The following PNLIP variants were observed in gnomAD, a reference collection of about 807,000 sequenced individuals.
PNLIP encodes pancreatic triacylglycerol lipase.
A neutral mutation model predicts 57.1 loss-of-function variants in PNLIP; 49 were observed. The observed-to-expected ratio is 0.86, with a 90% CI of 0.68 to 1.09. The LOEUF is 1.09. Among genes scored for constraint, PNLIP ranks in the 50% least tolerant of loss-of-function variants. The probability of loss-of-function intolerance (pLI) is 0.00; values close to 1 mark genes in which losing one functional copy is unlikely to be tolerated. For synonymous variants in PNLIP, 209 were observed against 200.4 expected (o/e 1.04, Z -0.36); for missense variants, 503 against 570.2 (o/e 0.88, Z 1.20).
Position 116,547,398 on chromosome 10 carries a change from G to A in PNLIP, c.151G>A (p.Val51Ile). 6.2e-7 allele frequency: 1 copy of A among 1,614,072 alleles called. No homozygotes were observed. The highest frequency in any genetic ancestry group is 1.3e-5 in the African/African-American group (1 of 75,028). The stretch of plus-strand genomic sequence containing the variant: ...TATATTGCCTTGGTCTCCAAAAGAT[G>A]TCAACACCCGCTTCCTCCTATATAC... ...LHILPWSPKD[V>I]NTRFLLYTNE... Residue 51 changes from valine to isoleucine, a missense_variant, in exon 3 of 13, where the codon GTC becomes ATC. Val to Ile is a conservative substitution (Grantham distance 29). Transcript: ENST00000369221.
rs772314428 is a variant in PNLIP at position 116,546,139 on chromosome 10, G to C, written c.46+1G>C. The C allele has an allele frequency of 6.2e-7, 1 of 1,612,656 alleles. No individual in the cohort carries two copies. The highest frequency in any genetic ancestry group is 1.1e-5 in the South Asian group (1 of 91,058). ...TCACTGCTGCTGGGAGCAGTAGCAG[G>C]TAAGAAAACAAATAAATGTTGAGCT... On this transcript the variant is annotated splice_donor_variant, in intron 2 of 12. Coordinates refer to ENST00000369221, the MANE Select transcript of PNLIP (RefSeq NM_000936.4). LOFTEE classifies it high-confidence loss of function.
intron 4 of PNLIP, 119 bp downstream of exon 4, chr10:116,548,601 C>T (rs1414798234): frequency 1.6e-5 from 18 of 1,108,260 alleles, no homozygotes; most frequent in Non-Finnish European, 2.1e-5. Context: ...TATTCAGACC[C>T]CTGCTGGGCC....
intron 9 of PNLIP, 139 bp downstream of exon 9, chr10:116,556,257 A>G: frequency 1.6e-6 from 1 of 609,754 alleles, no homozygotes; most frequent in Admixed American, 2.7e-5. Context: ...ATGTATTTAA[A>G]TAGTGATAAA....
chr10:116,559,316 AT>A (rs751042986), intron 10 of PNLIP, 33 bp downstream of exon 10: 1 of 1,472,786 alleles, frequency 6.8e-7, no homozygotes, highest in Non-Finnish European at 9.4e-7. Flanking sequence ...TTATATTCTT[AT>A]TGCTATATAT....
In PNLIP at chr10:116,559,222, G is replaced by T; in HGVS notation, c.999G>T (p.Gly333=). ...QMGHYADRYP[G]KTNDVGQKFY... ...GTCACTATGCTGATAGATATCCTGG[G>T]AAAACAAATGATGTGGGCCAGAAAT... Residue 333 remains glycine (G), a synonymous_variant, in exon 10 of 13, where the codon GGG becomes GGT. Coordinates refer to ENST00000369221, the MANE Select transcript of PNLIP (RefSeq NM_000936.4). 1.2e-6 allele frequency: 2 copies of T among 1,613,990 alleles called. No individual in the cohort carries two copies. The highest frequency in any genetic ancestry group is 1.7e-6 in the Non-Finnish European group (2 of 1,179,922).
rs1347028742 is a variant in PNLIP, at chr10:116,567,219, C to G, written c.1335-516C>G. ...CTTCTTTCTTTTTTTCTCTTTCTCT[C>G]TTTCTTTCTTCTTTCTTTATTCCTT... On this transcript the variant is annotated intron_variant, in intron 12 of 12. Coordinates refer to ENST00000369221, the MANE Select transcript of PNLIP (RefSeq NM_000936.4). Among the ~76,000 whole-genome samples the G allele has an allele frequency of 6.9e-5, 10 of 144,478 alleles. No homozygotes were observed. The East Asian group carries it at 2.0e-3, about 29-fold the overall frequency. The allele number at this position is 144,478 out of a possible 152,430, so 94.8% of individuals were successfully genotyped here.
At chr10:116,559,614 G>A (rs894703440) in intron 10 of PNLIP, among the ~76,000 whole-genome samples, 8 of 152,186 alleles carry the variant, frequency 5.3e-5, no homozygotes. Flanking sequence ...AAGCAGAAAA[G>A]TAATCTAGGA....
In PNLIP at chr10:116,555,162, A is replaced by G; in HGVS notation, c.572-16A>G. On this transcript the variant is annotated splice_polypyrimidine_tract_variant and intron_variant, in intron 6 of 12. Coordinates refer to ENST00000369221, the MANE Select transcript of PNLIP (RefSeq NM_000936.4). ...CAGGACTTGTCATAATTCATGAAACATACTCTTTACTTTAGGGTTGGACCC... is the reference window on the plus strand; with the variant it reads ...CAGGACTTGTCATAATTCATGAAACGTACTCTTTACTTTAGGGTTGGACCC... The G allele has an allele frequency of 6.2e-7, 1 of 1,614,044 alleles. No homozygotes were observed. Among genetic ancestry groups the G allele is most frequent in the Non-Finnish European group, 8.5e-7 (1 of 1,179,898 alleles).
At chr10:116,563,285 A>G (rs1847333192) in intron 12 of PNLIP, among the ~76,000 whole-genome samples, 1 of 152,204 alleles carries the variant, frequency 6.6e-6, no homozygotes, top group African/African-American at 2.4e-5. Context: ...CAAAAATTAA[A>G]AAAAAATCCA....
At position 116,553,829 on chromosome 10, in the gene PNLIP, C is replaced by T. The variant is rs199957067; in HGVS notation, c.562C>T (p.Arg188Cys). ...AGRRTNGTIG[R>C]ITGLDPAEPC... is the part of the protein sequence containing the mutation. Reference sequence around the variant, plus strand: ...AAGGAGAACCAATGGGACCATTGGACGCATCACAGGTTGGTGAAAACAGTG... The same window carrying T: ...AAGGAGAACCAATGGGACCATTGGATGCATCACAGGTTGGTGAAAACAGTG... Residue 188 changes from arginine (R) to cysteine (C), a missense_variant, in exon 6 of 13, where the codon CGC becomes TGC. Transcript: ENST00000369221. The T allele has an allele frequency of 2.5e-5, 40 of 1,595,648 alleles. No homozygotes were observed. The highest frequency in any genetic ancestry group is 1.9e-4 in the African/African-American group (14 of 74,446).
chr10:116,553,954 A>G (rs1336394572), intron 6 of PNLIP, 116 bp downstream of exon 6: 2 of 538,416 alleles, frequency 3.7e-6, no homozygotes, highest in Non-Finnish European at 6.4e-6. Context: ...TAAAAAAAAA[A>G]AAAAGAAAAA....
At chr10:116,561,071 A>G (rs1847310850) in intron 11 of PNLIP, among the ~76,000 whole-genome samples, 1 of 152,190 alleles carries the variant, frequency 6.6e-6, no homozygotes, top group Non-Finnish European at 1.5e-5. Flanking sequence ...TGATAAAACC[A>G]TTCATGTTTG....
At chr10:116,550,053 CTTTTTTTTTTTTT>C (rs1176488381) in intron 4 of PNLIP, among the ~76,000 whole-genome samples, 2 of 98,894 alleles carry the variant, frequency 2.0e-5, no homozygotes, top group Admixed American at 1.1e-4. Context: ...TTCTCAAATT[CTTTTTTTTTTTTT>C]TTTTTTTTTT....
intron 9 of PNLIP, among the ~76,000 whole-genome samples, chr10:116,556,347 G>A (rs2133203843): frequency 6.6e-6 from 1 of 152,224 alleles, no homozygotes; most frequent in South Asian, 2.1e-4. Context: ...TATGCATTGG[G>A]TAAATGTCCA....
chr10:116,547,587 G>T (rs553534369), intron 3 of PNLIP, 139 bp downstream of exon 3: 11 of 658,838 alleles, frequency 1.7e-5, no homozygotes, highest in South Asian at 1.6e-4. Flanking sequence ...TTAGCCAGGC[G>T]TGGTGGCAGG....
intron 3 of PNLIP, 33 bp downstream of exon 3, chr10:116,547,481 C>T (rs1216923428): frequency 1.9e-6 from 3 of 1,580,646 alleles, no homozygotes; most frequent in Middle Eastern, 1.7e-4. Flanking sequence ...GAACTAAGTT[C>T]TTTGGGAGGC....
intron 2 of PNLIP, among the ~76,000 whole-genome samples, chr10:116,546,676 G>A (rs1216661069): frequency 6.6e-6 from 1 of 152,164 alleles, no homozygotes; most frequent in Non-Finnish European, 1.5e-5. Context: ...GAGAAACGCA[G>A]CCCCCACAAC....
At chr10:116,554,235 C>T (rs1847226987) in intron 6 of PNLIP, among the ~76,000 whole-genome samples, 2 of 151,922 alleles carry the variant, frequency 1.3e-5, no homozygotes, top group African/African-American at 4.8e-5. Flanking sequence ...CCCCATTGAC[C>T]GACATTCACA....
At chr10:116,565,892 T>A (rs1302148672) in intron 12 of PNLIP, among the ~76,000 whole-genome samples, 3 of 152,172 alleles carry the variant, frequency 2.0e-5, no homozygotes. Context: ...TCACTGAACC[T>A]CCATCTCCTG....
Sources: gnomAD v4.1 joint callset for allele counts (sites outside exome capture counted in the v4.1 genomes callset) on GRCh38, gnomAD v4.1.1 for gene constraint, MANE v1.5 for transcripts, NCBI Gene and HGNC (gene_info 2026-07-23, HGNC 2026-07-21) for gene names.